The following PIBF1 variants were observed in gnomAD, a reference collection of about 807,000 sequenced individuals.
PIBF1 encodes progesterone-induced-blocking factor 1.
Under a neutral mutation model 112.5 loss-of-function variants are expected in PIBF1, and 90 were observed. The observed-to-expected ratio is 0.80, with a 90% CI of 0.67 to 0.95. The LOEUF (loss-of-function observed/expected upper bound fraction) is 0.95, where lower values mean the gene tolerates loss of function less well. Among genes scored for constraint, PIBF1 ranks in the 40% least tolerant of loss-of-function variants. The pLI, the probability that PIBF1 is intolerant of heterozygous loss-of-function variation, is 0.00. For missense variants in PIBF1, 915 were observed against 852.3 expected (o/e 1.07, Z -0.92); for synonymous variants, 301 against 288.6 (o/e 1.04, Z -0.44).
intron 15 of PIBF1, among the ~76,000 whole-genome samples, chr13:72,967,850 A>G (rs1384418428): frequency 1.3e-5 from 2 of 152,140 alleles, no homozygotes; most frequent in Non-Finnish European, 2.9e-5. Context: ...TAAACTCTCT[A>G]ATACCTCTGT....
intron 7 of PIBF1, 24 bp downstream of exon 7, chr13:72,827,142 T>C (rs1226129499): frequency 2.5e-6 from 3 of 1,218,648 alleles, no homozygotes; most frequent in Non-Finnish European, 3.5e-6. Flanking sequence ...TAGAGTCACT[T>C]ATATTATATA....
chr13:72,901,008 G>A, intron 11 of PIBF1: 1 of 414,024 alleles, frequency 2.4e-6, no homozygotes, highest in South Asian at 1.8e-5. Context: ...GGCAACCAGA[G>A]CAAAACTCCG....
At chr13:72,962,766 A>T (rs949711281) in intron 14 of PIBF1, among the ~76,000 whole-genome samples, 10 of 152,202 alleles carry the variant, frequency 6.6e-5, no homozygotes, top group African/African-American at 2.4e-4. Flanking sequence ...TTTTTTACAG[A>T]AATGGAAAAA....
intron 2 of PIBF1, among the ~76,000 whole-genome samples, chr13:72,789,383 C>T (rs9543120): frequency 0.1 from 15,604 of 152,078 alleles, 1,090 homozygotes; most frequent in Non-Finnish European, 0.15. Flanking sequence ...AACAGGGTCT[C>T]ACTATGTTGT....
At chr13:72,999,846 A>T (rs1394595045) in intron 17 of PIBF1, among the ~76,000 whole-genome samples, 4 of 152,180 alleles carry the variant, frequency 2.6e-5, no homozygotes, top group Non-Finnish European at 1.5e-5. Context: ...AAGTGGGAGG[A>T]TCACCTGAGG....
chr13:72,958,787 T>C (rs187183396), intron 14 of PIBF1, among the ~76,000 whole-genome samples: 4 of 152,288 alleles, frequency 2.6e-5, no homozygotes, highest in Admixed American at 2.6e-4. Flanking sequence ...GAACTGGTAT[T>C]AGTAGGGAGG....
chr13:72,997,649 GAC>G (rs2043722729), intron 16 of PIBF1, among the ~76,000 whole-genome samples: 1 of 152,186 alleles, frequency 6.6e-6, no homozygotes, highest in Non-Finnish European at 1.5e-5. Context: ...AACTTGCTGT[GAC>G]ACAGAGCTGG....
rs2035133554 is a variant in PIBF1 at position 72,795,275 on chromosome 13, T to C, written c.354-84T>C. ...TGTCAGGTTTCTGATTTCCTAACTTTATGTTGATATAAATAGGAAACTGTG... is the reference window on the plus strand; with the variant it reads ...TGTCAGGTTTCTGATTTCCTAACTTCATGTTGATATAAATAGGAAACTGTG... On this transcript the variant is annotated intron_variant, in intron 3 of 17. Transcript: ENST00000326291. 2.8e-5 allele frequency: 23 copies of C among 824,064 alleles called. No homozygotes were observed. In the South Asian group the frequency reaches 3.6e-4, roughly 13 times the overall value. 51.0% of individuals were successfully genotyped at this position (824,064 alleles called of 1,614,324 possible).
In PIBF1 at chr13:72,986,191, A is replaced by T. The variant is rs186373783; in HGVS notation, c.2049+12516A>T. Reference sequence around the variant, plus strand: ...CAAAACAAAAAAGAAGGAAAAAAAAATTTTGATGAAAAAGTTAAGACCAGA... The same window carrying T: ...CAAAACAAAAAAGAAGGAAAAAAAATTTTTGATGAAAAAGTTAAGACCAGA... On this transcript the variant is annotated intron_variant, in intron 16 of 17. Transcript: ENST00000326291. 7.9e-3 allele frequency among the ~76,000 whole-genome samples: 1,195 copies of T among 152,130 alleles called. 14 individuals carry two copies. Among genetic ancestry groups the T allele is most frequent in the Middle Eastern group, 0.014 (4 of 294 alleles).
chr13:72,913,863 T>C (rs900424819), intron 12 of PIBF1, among the ~76,000 whole-genome samples: 1 of 151,926 alleles, frequency 6.6e-6, no homozygotes, highest in Non-Finnish European at 1.5e-5. Flanking sequence ...TGCAGAAAAA[T>C]AGAAATTAAT....
In PIBF1 at chr13:72,999,476, A is replaced by G. The variant is rs543024350; in HGVS notation, c.2223+481A>G. Among the ~76,000 whole-genome samples, 4 of 152,320 alleles carry G rather than the reference A, an allele frequency of 2.6e-5. No homozygotes were observed. The South Asian group carries it at 6.2e-4, about 24-fold the overall frequency. On this transcript the variant is annotated intron_variant, in intron 17 of 17. Transcript: ENST00000326291. ...TTATTAAATATTCCATTTTACTTCA[A>G]ATGGTTTCTCAATCATGCTTTCATT...
In PIBF1 at chr13:72,844,766, C is replaced by CTT. The variant is rs1371748602; in HGVS notation, c.1224-9291_1224-9290insTT. On this transcript the variant is annotated intron_variant, in intron 9 of 17. Transcript: ENST00000326291. Reference sequence around the variant, plus strand: ...ACACACACACACACACACACACACACACACACACACACACACACACACACA... The same window carrying CTT: ...ACACACACACACACACACACACACACTTACACACACACACACACACACACACA... Among the ~76,000 whole-genome samples, 11 of 104,540 alleles carry CTT rather than the reference C, an allele frequency of 1.1e-4. 1 individual carries two copies. The highest frequency in any genetic ancestry group is 2.7e-4 in the Admixed American group (3 of 11,002). 68.6% of individuals were successfully genotyped at this position (104,540 alleles called of 152,430 possible).
intron 10 of PIBF1, 139 bp from the exon 11 acceptor site, chr13:72,893,645 A>G: frequency 2.2e-6 from 1 of 452,242 alleles, no homozygotes; most frequent in Non-Finnish European, 3.8e-6. Context: ...TAAATTATTT[A>G]TAAAAGCTTT....
At chr13:72,951,172 G>T (rs1030989931) in intron 14 of PIBF1, among the ~76,000 whole-genome samples, 1 of 152,180 alleles carries the variant, frequency 6.6e-6, no homozygotes, top group Admixed American at 6.5e-5. Flanking sequence ...ACATGCGTGT[G>T]CCTTTAATAC....
chr13:72,873,375 A>G (rs758198325), intron 10 of PIBF1, among the ~76,000 whole-genome samples: 3 of 152,182 alleles, frequency 2.0e-5, no homozygotes, highest in Non-Finnish European at 2.9e-5. Flanking sequence ...TAGGACATAA[A>G]GAACGTGAAC....
At chr13:72,968,269 GTTTTGT>G (rs2042798745) in intron 15 of PIBF1, among the ~76,000 whole-genome samples, 1 of 130,872 alleles carries the variant, frequency 7.6e-6, no homozygotes, top group Admixed American at 7.6e-5. Flanking sequence ...TTGTTTTGGG[GTTTTGT>G]TGTTGTTGTT....
chr13:72,980,216 A>G (rs2043122650), intron 16 of PIBF1, among the ~76,000 whole-genome samples: 1 of 152,220 alleles, frequency 6.6e-6, no homozygotes, highest in South Asian at 2.1e-4. Flanking sequence ...GTTACTTTAC[A>G]TGGAAATAGA....
chr13:72,886,439 CTGTTATAAAAATTTTATAACAG>C (rs1425376318), intron 10 of PIBF1, among the ~76,000 whole-genome samples: 3 of 151,484 alleles, frequency 2.0e-5, no homozygotes, highest in South Asian at 2.1e-4. Flanking sequence ...TTTTATAACA[CTGTTATAAAAATTTTATAACAG>C]TGTTATAAAA....
intron 9 of PIBF1, among the ~76,000 whole-genome samples, chr13:72,852,437 C>T (rs189711131): frequency 6.6e-6 from 1 of 152,318 alleles, no homozygotes; most frequent in East Asian, 1.9e-4. Context: ...CACTGACTTG[C>T]TCACGCACCC....
Sources: allele counts gnomAD v4.1 joint callset (sites outside exome capture counted in the v4.1 genomes callset), GRCh38; gene constraint gnomAD v4.1.1; transcripts MANE v1.5; gene names NCBI Gene and HGNC (gene_info 2026-07-23, HGNC 2026-07-21).